The following CDC73 variants were observed in gnomAD, a reference collection of about 807,000 sequenced individuals.
CDC73 encodes cell division cycle 73, also known as parafibromin.
Under a neutral mutation model 83.7 loss-of-function variants are expected in CDC73, and 21 were observed. That is an observed-to-expected ratio of 0.25 (90% CI 0.18 to 0.36). The LOEUF (loss-of-function observed/expected upper bound fraction) is 0.36. CDC73 is among the 10% of genes least tolerant of loss of function. CDC73 has a pLI of 1.00. For synonymous variants in CDC73, 224 were observed against 212.9 expected (o/e 1.05, Z -0.45); for missense variants, 342 against 653.3 (o/e 0.52, Z 5.19).
chr1:193,176,570 A>G (rs1278943722), intron 10 of CDC73, among the ~76,000 whole-genome samples: 1 of 152,204 alleles, frequency 6.6e-6, no homozygotes, highest in African/African-American at 2.4e-5. Context: ...CCATTTTAGT[A>G]TTTAATATAC....
chr1:193,180,794 CA>C, intron 10 of CDC73: 1 of 1,614,074 alleles, frequency 6.2e-7, no homozygotes, highest in Non-Finnish European at 8.5e-7. Context: ...TCAGTGTTGA[CA>C]AACATGTCAC....
chr1:193,152,050 G>A (rs188126683), intron 9 of CDC73, among the ~76,000 whole-genome samples: 2 of 152,268 alleles, frequency 1.3e-5, no homozygotes, highest in Admixed American at 1.3e-4. Flanking sequence ...GATGCTTTTA[G>A]TGGTACTATC....
In CDC73 at chr1:193,252,993, A is replaced by G. The variant is rs1189619873; in HGVS notation, c.*2281A>G. 2 of 231,804 alleles carry G rather than the reference A, an allele frequency of 8.6e-6. No homozygotes were observed. The highest frequency in any genetic ancestry group is 1.2e-4 in the East Asian group (2 of 16,392). 14.4% of individuals were successfully genotyped at this position (231,804 alleles called of 1,614,324 possible). A position where few individuals can be genotyped will look rare whatever the true frequency, so the allele number is the denominator to read the frequency against. ...GAGGTATAAGTAGATATTTTAATGG[A>G]AATGAAGTATAAATTAATAACTTGA... On this transcript the variant is annotated 3_prime_UTR_variant, in exon 17 of 17. Coordinates refer to ENST00000367435, the MANE Select transcript of CDC73 (RefSeq NM_024529.5).
At chr1:193,161,284 T>G (rs1676304364) in intron 10 of CDC73, 1 of 174,234 alleles carries the variant, frequency 5.7e-6, no homozygotes, top group Non-Finnish European at 1.2e-5. Context: ...GAAACTAAGT[T>G]CTTATTTGAA....
chr1:193,159,673 C>A (rs1457770433), intron 10 of CDC73, among the ~76,000 whole-genome samples: 2 of 152,070 alleles, frequency 1.3e-5, no homozygotes, highest in East Asian at 3.9e-4. Context: ...CCTTTCACTG[C>A]TTTTTGATTG....
chr1:193,150,021 A>G (rs1676078102), intron 8 of CDC73, among the ~76,000 whole-genome samples: 1 of 152,092 alleles, frequency 6.6e-6, no homozygotes, highest in African/African-American at 2.4e-5. Context: ...TCATGCCTGT[A>G]ATCTTAGCAC....
Position 193,214,079 on chromosome 1 carries a change from G to T in CDC73, c.1154+1602G>T, listed in dbSNP as rs531414960. On this transcript the variant is annotated intron_variant, in intron 13 of 16. Transcript: ENST00000367435. ...TTGTTGATCATGTGACTCTTCTGTG[G>T]CTCTAGTTCCAGTTCCTCTGTGTCC... Among the ~76,000 whole-genome samples, 7 of 152,276 alleles carry T rather than the reference G, an allele frequency of 4.6e-5. No individual in the cohort carries two copies. In the South Asian group the frequency reaches 1.5e-3, roughly 32 times the overall value.
At chr1:193,124,429 G>C (rs891880584) in intron 1 of CDC73, among the ~76,000 whole-genome samples, 2 of 152,250 alleles carry the variant, frequency 1.3e-5, no homozygotes, top group South Asian at 2.1e-4. Flanking sequence ...TAGAAAAGTA[G>C]GTTTAGGGCT....
At chr1:193,235,333 C>T (rs1055276149) in intron 14 of CDC73, among the ~76,000 whole-genome samples, 1 of 152,076 alleles carries the variant, frequency 6.6e-6, no homozygotes, top group African/African-American at 2.4e-5. Flanking sequence ...TTCATTTATA[C>T]AATGAGGTTT....
chr1:193,123,116 G>C (rs1675494970), intron 1 of CDC73, among the ~76,000 whole-genome samples: 1 of 152,108 alleles, frequency 6.6e-6, no homozygotes, highest in Non-Finnish European at 1.5e-5. Context: ...TTGGTGCATC[G>C]CTTCTAGAAT....
chr1:193,152,718 T>C (rs1024954668), intron 10 of CDC73, among the ~76,000 whole-genome samples: 1 of 152,192 alleles, frequency 6.6e-6, no homozygotes, highest in Admixed American at 6.5e-5. Context: ...TTTAAAGCCT[T>C]TAAGTTATGA....
At chr1:193,214,400 A>G (rs149077084) in intron 13 of CDC73, among the ~76,000 whole-genome samples, 1 of 152,210 alleles carries the variant, frequency 6.6e-6, no homozygotes, top group East Asian at 1.9e-4. Context: ...TAATTGTTTG[A>G]GTTGTACCTG....
rs991263262 is a variant in CDC73 at position 193,201,826 on chromosome 1, G to A, written c.973-1969G>A. 3.3e-5 allele frequency among the ~76,000 whole-genome samples: 5 copies of A among 151,912 alleles called. No individual in the cohort carries two copies. In the East Asian group the frequency reaches 9.6e-4, roughly 29 times the overall value. ...GTACTCTTTGTTATATAATACAGGT[G>A]TACAACTAATTCAGTAGTTAATTGG... On this transcript the variant is annotated intron_variant, in intron 10 of 16. Transcript: ENST00000367435.
At chr1:193,193,822 TG>T (rs1558306410) in intron 10 of CDC73, among the ~76,000 whole-genome samples, 1 of 147,838 alleles carries the variant, frequency 6.8e-6, no homozygotes, top group African/African-American at 2.5e-5. Flanking sequence ...TGTGTGTGTG[TG>T]TGTGTGTTGT....
chr1:193,234,305 A>AT (rs1677720504), intron 14 of CDC73, among the ~76,000 whole-genome samples: 1 of 136,722 alleles, frequency 7.3e-6, no homozygotes, highest in Non-Finnish European at 1.6e-5. Context: ...TATATAATAT[A>AT]ATTTAAAATA....
At chr1:193,224,854 T>G (rs1026280354) in intron 13 of CDC73, among the ~76,000 whole-genome samples, 4 of 152,162 alleles carry the variant, frequency 2.6e-5, no homozygotes, top group African/African-American at 9.7e-5. Flanking sequence ...TAAAGATTTA[T>G]TATGTTGCCT....
intron 7 of CDC73, among the ~76,000 whole-genome samples, chr1:193,142,336 C>T (rs1029624413): frequency 4.6e-5 from 7 of 151,978 alleles, no homozygotes; most frequent in African/African-American, 1.7e-4. Flanking sequence ...AAAGAATGGC[C>T]CAGTTTTCCT....
intron 13 of CDC73, 42 bp from the exon 14 acceptor site, chr1:193,232,951 C>T (rs368026427): frequency 9.2e-6 from 14 of 1,527,552 alleles, no homozygotes; most frequent in South Asian, 2.3e-5. Flanking sequence ...ATTTTCATCA[C>T]GTGGAATACA....
In CDC73 at chr1:193,179,737, T is replaced by G. The variant is rs190154019; in HGVS notation, c.973-24058T>G. On this transcript the variant is annotated intron_variant, in intron 10 of 16. Transcript: ENST00000367435. ...CAGTTATTTTTAAAAAGTAAATACTTTCGTGAGAACTGCATTGATGAAACA... is the reference window on the plus strand; with the variant it reads ...CAGTTATTTTTAAAAAGTAAATACTGTCGTGAGAACTGCATTGATGAAACA... The G allele has an allele frequency of 3.3e-5, 5 of 152,662 alleles. No homozygotes were observed. In the East Asian group the frequency reaches 7.7e-4, roughly 24 times the overall value. The allele number at this position is 152,662 out of a possible 1,614,324, so 9.5% of individuals were successfully genotyped here.
Sources: gnomAD v4.1 joint callset for allele counts (sites outside exome capture counted in the v4.1 genomes callset) on GRCh38, gnomAD v4.1.1 for gene constraint, MANE v1.5 for transcripts, NCBI Gene and HGNC (gene_info 2026-07-23, HGNC 2026-07-21) for gene names.